The following GAS7 variants were observed in gnomAD, a reference collection of about 807,000 sequenced individuals.
The protein encoded by GAS7 is growth arrest specific 7.
In GAS7, 28 loss-of-function variants were observed where a neutral mutation model predicts 71.1. The observed-to-expected ratio is 0.39, with a 90% confidence interval of 0.29 to 0.54. GAS7 has a LOEUF of 0.54. Among genes scored for constraint, GAS7 ranks in the 20% least tolerant of loss-of-function variants. The pLI, the probability that GAS7 is intolerant of heterozygous loss-of-function variation, is 0.62. For missense variants in GAS7, 436 were observed against 627.8 expected, an observed-to-expected ratio of 0.69 and a Z score of 3.27; for synonymous variants, 258 against 245.8, an observed-to-expected ratio of 1.05 and a Z score of -0.46.
chr17:10,079,325 T>A (rs1266898652), intron 1 of GAS7, among the ~76,000 whole-genome samples: 1 of 152,196 alleles, frequency 6.6e-6, no homozygotes, highest in African/African-American at 2.4e-5. Flanking sequence ...TGAATGGACA[T>A]CCTCCTTGGC....
chr17:9,919,490 C>A lies in GAS7; in HGVS notation c.1218+136G>T. 1.3e-6 allele frequency: 1 copy of A among 745,274 alleles called. No individual in the cohort carries two copies. The highest frequency in any genetic ancestry group is 2.5e-6 in the Non-Finnish European group (1 of 407,916). 46.2% of individuals were successfully genotyped at this position (745,274 alleles called of 1,614,324 possible). On this transcript the variant is annotated intron_variant, in intron 12 of 13. Transcript: ENST00000432992. The surrounding 1 kb of genome is among the most constrained non-coding windows in gnomAD (Gnocchi z 5.0). ...AAGCTGGCTCACATTGAGGTTTCGACCCCAACACTGAAGTAGATTTGATGA... is the reference window on the plus strand; with the variant it reads ...AAGCTGGCTCACATTGAGGTTTCGAACCCAACACTGAAGTAGATTTGATGA...
At chr17:10,169,770 A>G (rs1487684717) in intron 1 of GAS7, among the ~76,000 whole-genome samples, 1 of 152,104 alleles carries the variant, frequency 6.6e-6, no homozygotes. Context: ...CTTGAAGACT[A>G]TCTACGCCAT....
intron 2 of GAS7, among the ~76,000 whole-genome samples, chr17:10,008,667 C>T (rs745391950): frequency 4.6e-5 from 7 of 152,128 alleles, no homozygotes; most frequent in Non-Finnish European, 8.8e-5. Flanking sequence ...CACACCAAAG[C>T]GGATTAATAG....
intron 1 of GAS7, among the ~76,000 whole-genome samples, chr17:10,068,761 C>T (rs2073309410): frequency 6.6e-6 from 1 of 151,862 alleles, no homozygotes; most frequent in Non-Finnish European, 1.5e-5. Flanking sequence ...GAGATCCTGT[C>T]TCTATTTTTT....
At chr17:10,177,182 C>A (rs911092860) in intron 1 of GAS7, among the ~76,000 whole-genome samples, 2 of 152,092 alleles carry the variant, frequency 1.3e-5, no homozygotes, top group African/African-American at 4.8e-5. Context: ...GAGCAAAGGC[C>A]ACACAGAGGA....
intron 3 of GAS7, among the ~76,000 whole-genome samples, chr17:9,971,357 A>C (rs546056448): frequency 6.6e-6 from 1 of 152,270 alleles, no homozygotes; most frequent in Non-Finnish European, 1.5e-5. Context: ...CTAGGAGTTT[A>C]AGATCAGCCC....
At position 10,198,391 on chromosome 17, in the gene GAS7, G is replaced by T; in HGVS notation, c.-1C>A. ...GGGTCCGGCAGCGAGCGCCGGACAT[G>T]GCCTTGGCGCCCGGGTTCACAGCGC... is the stretch of plus-strand genomic sequence containing the variant. On this transcript the variant is annotated 5_prime_UTR_variant, in exon 1 of 14. Transcript: ENST00000432992. 6.3e-7 allele frequency: 1 copy of T among 1,575,444 alleles called. No homozygotes were observed.
chr17:10,180,178 T>C (rs1267861965), intron 1 of GAS7, among the ~76,000 whole-genome samples: 1 of 151,682 alleles, frequency 6.6e-6, no homozygotes. Flanking sequence ...CCATCTCTAT[T>C]AAAAATACAA....
Position 10,103,203 on chromosome 17 carries a change from G to A in GAS7, c.184-83306C>T, listed in dbSNP as rs1268224715. ...CCCCTCCTCTAAAAAAATTAGCCAGGCGTGGTGGTGCACACTTGTGGTCCT... is the reference window on the plus strand; with the variant it reads ...CCCCTCCTCTAAAAAAATTAGCCAGACGTGGTGGTGCACACTTGTGGTCCT... On this transcript the variant is annotated intron_variant, in intron 1 of 13. Coordinates refer to ENST00000432992, the MANE Select transcript of GAS7 (RefSeq NM_201433.2). The surrounding 1 kb of genome is among the most constrained non-coding windows in gnomAD (Gnocchi z 5.5). 6.6e-6 allele frequency among the ~76,000 whole-genome samples: 1 copy of A among 151,916 alleles called. No individual in the cohort carries two copies. Among genetic ancestry groups the A allele is most frequent in the Non-Finnish European group, 1.5e-5 (1 of 67,966 alleles).
chr17:10,158,630 G>T (rs1380726396), intron 1 of GAS7, among the ~76,000 whole-genome samples: 1 of 152,096 alleles, frequency 6.6e-6, no homozygotes, highest in African/African-American at 2.4e-5. Context: ...AGGATAGAAG[G>T]TTAGATATGC....
chr17:9,991,411 C>A (rs890231794), intron 2 of GAS7, among the ~76,000 whole-genome samples: 1 of 152,138 alleles, frequency 6.6e-6, no homozygotes, highest in Non-Finnish European at 1.5e-5. Context: ...GGAGCAGGGG[C>A]TCCTGTGCCC....
chr17:9,949,519 C>T (rs528573376), intron 5 of GAS7, among the ~76,000 whole-genome samples: 190 of 152,266 alleles, frequency 1.2e-3, no homozygotes, highest in Non-Finnish European at 2.2e-3. Flanking sequence ...CTAGCGCACA[C>T]CCCCTCCCCA....
chr17:10,065,180 C>A (rs1342734092), intron 1 of GAS7, among the ~76,000 whole-genome samples: 1 of 152,134 alleles, frequency 6.6e-6, no homozygotes, highest in Admixed American at 6.5e-5. Context: ...GCAAGGTATA[C>A]AGATAGCAAC....
chr17:10,081,417 G>A (rs1182613261), intron 1 of GAS7, among the ~76,000 whole-genome samples: 1 of 152,210 alleles, frequency 6.6e-6, no homozygotes, highest in Non-Finnish European at 1.5e-5. Context: ...GCCTCCCAAA[G>A]TGCTGGGATT....
At chr17:9,949,696 A>C (rs2068928622) in intron 5 of GAS7, among the ~76,000 whole-genome samples, 1 of 152,210 alleles carries the variant, frequency 6.6e-6, no homozygotes, top group South Asian at 2.1e-4. Context: ...AATGACGTGG[A>C]CGACCCTGGA....
At chr17:10,084,336 T>C (rs186487461) in intron 1 of GAS7, among the ~76,000 whole-genome samples, 69 of 152,308 alleles carry the variant, frequency 4.5e-4, no homozygotes, top group African/African-American at 1.7e-3. Flanking sequence ...ATAGTGGTCC[T>C]ATTAGAAGTC....
intron 1 of GAS7, among the ~76,000 whole-genome samples, chr17:10,144,582 C>A (rs924676410): frequency 1.3e-5 from 2 of 152,098 alleles, no homozygotes; most frequent in African/African-American, 4.8e-5. Context: ...CATGCTCTCT[C>A]GTCCAGGCTG....
intron 8 of GAS7, among the ~76,000 whole-genome samples, chr17:9,939,323 T>G (rs2068513307): frequency 6.6e-6 from 1 of 152,140 alleles, no homozygotes. Context: ...AGGGTTGGGT[T>G]AAGCTTCTCC....
intron 1 of GAS7, among the ~76,000 whole-genome samples, chr17:10,153,153 T>C (rs1311507812): frequency 1.4e-5 from 2 of 147,082 alleles, no homozygotes; most frequent in African/African-American, 2.6e-5. Context: ...GAGGTTACAC[T>C]GAGCCAAGAT....
Sources: allele counts gnomAD v4.1 joint callset (sites outside exome capture counted in the v4.1 genomes callset), GRCh38; gene constraint gnomAD v4.1.1; non-coding constraint Gnocchi (gnomAD v3.1); transcripts MANE v1.5; gene names NCBI Gene and HGNC (gene_info 2026-07-23, HGNC 2026-07-21).